Variants in CLPS observed in about 807,000 individuals in gnomAD.
CLPS encodes the protein colipase.
Under a neutral mutation model 9.3 loss-of-function variants are expected in CLPS, and 8 were observed. That is an observed-to-expected ratio of 0.86 (90% confidence interval 0.51 to 1.56). The LOEUF (loss-of-function observed/expected upper bound fraction) is 1.56, where lower values mean the gene tolerates loss of function less well. Among genes scored for constraint, CLPS ranks in the 40% most tolerant of loss-of-function variants. CLPS has a pLI of 0.00. For missense variants in CLPS, 144 were observed against 145.7 expected (o/e 0.99, Z 0.06); for synonymous variants, 61 against 56.2 (o/e 1.09, Z -0.39).
chr6:35,795,943 T>C (rs1475257096), intron 1 of CLPS, 90 bp from the exon 2 acceptor site: 16 of 1,563,934 alleles, frequency 1.0e-5, no homozygotes, highest in Non-Finnish European at 1.3e-5. Context: ...CCACTAACAG[T>C]GTCTCCCCTG....
At position 35,795,236 on chromosome 6, in the gene CLPS, G is replaced by GGA; in HGVS notation, c.248_249insTC (p.Leu84ProfsTer2). ...TGGTCTTGTCTCCCTCACAGGTCAG[G>GGA]CCACGCTCACAGGGACACTTGTAGT... On this transcript the variant is annotated frameshift_variant, in exon 3 of 3. Coordinates refer to ENST00000259938, the MANE Select transcript of CLPS (RefSeq NM_001832.4). LOFTEE classifies it high-confidence loss of function. The GGA allele has an allele frequency of 6.2e-7, 1 of 1,614,220 alleles. No individual in the cohort carries two copies.
At chr6:35,795,406 C>T in intron 2 of CLPS, 129 bp from the exon 3 acceptor site, 2 of 1,388,426 alleles carry the variant, frequency 1.4e-6, no homozygotes, top group Non-Finnish European at 1.9e-6. Context: ...ACCTGCCTCC[C>T]CAGGGGTGCC....
At chr6:35,796,357 G>A (rs1768368611) in intron 1 of CLPS, among the ~76,000 whole-genome samples, 1 of 152,274 alleles carries the variant, frequency 6.6e-6, no homozygotes, top group African/African-American at 2.4e-5. Context: ...TCAACCGCAT[G>A]GACGTTCTGG....
rs1400880683 is a variant in CLPS, at chr6:35,795,258, T to C, written c.227A>G (p.Tyr76Cys). ...CSVKTLYGIYYKCPCERGLTC... is the reference protein window; with the variant it reads ...CSVKTLYGIYCKCPCERGLTC... Reference sequence around the variant, plus strand: ...CAGGCCACGCTCACAGGGACACTTGTAGTAAATCCCATAGAGCGTCTGCAG... The same window carrying C: ...CAGGCCACGCTCACAGGGACACTTGCAGTAAATCCCATAGAGCGTCTGCAG... The change falls in exon 3 of 3, where the codon TAC becomes TGC. Residue 76 changes from tyrosine (Y) to cysteine (C), a missense_variant. Coordinates refer to ENST00000259938, the MANE Select transcript of CLPS (RefSeq NM_001832.4). 1.2e-6 allele frequency: 2 copies of C among 1,614,160 alleles called. No individual in the cohort carries two copies. The highest frequency in any genetic ancestry group is 8.5e-7 in the Non-Finnish European group (1 of 1,179,986).
chr6:35,796,439 T>C (rs1473032446), intron 1 of CLPS, among the ~76,000 whole-genome samples: 1 of 152,264 alleles, frequency 6.6e-6, no homozygotes, highest in African/African-American at 2.4e-5. Context: ...GCTGAACCAC[T>C]TTCCAGCTAT....
At chr6:35,796,280 A>G (rs958629202) in intron 1 of CLPS, among the ~76,000 whole-genome samples, 1 of 152,272 alleles carries the variant, frequency 6.6e-6, no homozygotes, top group East Asian at 1.9e-4. Flanking sequence ...GATCTGATCT[A>G]TAATCTCCAA....
At chr6:35,796,227 G>A (rs1768365392) in intron 1 of CLPS, among the ~76,000 whole-genome samples, 1 of 152,282 alleles carries the variant, frequency 6.6e-6, no homozygotes, top group African/African-American at 2.4e-5. Context: ...TAAGGAGGCG[G>A]TGAAGATTGC....
At position 35,795,941 on chromosome 6, in the gene CLPS, A is replaced by C. The variant is rs561619500; in HGVS notation, c.85-88T>G. The stretch of plus-strand genomic sequence containing the variant: ...GTACCCACCACACACTACCACTAAC[A>C]GTGTCTCCCCTGGTAGGGATGTGTG... On this transcript the variant is annotated intron_variant, in intron 1 of 2. Coordinates refer to ENST00000259938, the MANE Select transcript of CLPS (RefSeq NM_001832.4). The C allele has an allele frequency of 2.5e-4, 392 of 1,566,726 alleles. No homozygotes were observed. The African/African-American group carries it at 4.9e-3, about 20-fold the overall frequency.
intron 2 of CLPS, 53 bp from the exon 3 acceptor site, chr6:35,795,330 C>G (rs1768330372): frequency 6.3e-7 from 1 of 1,589,522 alleles, no homozygotes; most frequent in Non-Finnish European, 8.6e-7. Context: ...CTTTGGACAT[C>G]ACTTGTCCCC....
intron 2 of CLPS, 50 bp downstream of exon 2, chr6:35,795,681 G>A: frequency 6.2e-7 from 1 of 1,602,102 alleles, no homozygotes; most frequent in Non-Finnish European, 8.5e-7. Context: ...AAGTGTTCAG[G>A]GCCCTACTCC....
rs911877152 is a variant in CLPS at position 35,796,417 on chromosome 6, G to C, written c.85-564C>G. On this transcript the variant is annotated intron_variant, in intron 1 of 2. Transcript: ENST00000259938. ...TGGTGGAGAGGTGGTGTGGGGCAGT[G>C]GTGGGGCCCCAGCTGAACCACTTTC... 4.3e-4 allele frequency among the ~76,000 whole-genome samples: 65 copies of C among 152,408 alleles called. 1 individual carries two copies. Among genetic ancestry groups the C allele is most frequent in the Middle Eastern group, 3.4e-3 (1 of 294 alleles).
Position 35,795,820 on chromosome 6 carries a change from A to G in CLPS, c.118T>C (p.Cys40Arg). ...GAATGCTGGCAGCAATTGCTCTTAC[A>G]CTGGGCACTATTCATGCAGAGCTCA... is the stretch of plus-strand genomic sequence containing the variant. ...NGELCMNSAQ[C>R]KSNCCQHSSA... The change falls in exon 2 of 3, where the codon TGT (cysteine) becomes CGT (arginine). Residue 40 changes from cysteine to arginine, a missense_variant. Physicochemically the swap from Cys to Arg is radical, Grantham distance 180. Coordinates refer to ENST00000259938, the MANE Select transcript of CLPS (RefSeq NM_001832.4). 6.2e-7 allele frequency: 1 copy of G among 1,613,204 alleles called. No homozygotes were observed.
rs553450622 is a variant in CLPS, at chr6:35,795,289, C to T, written c.208-12G>A. On this transcript the variant is annotated splice_polypyrimidine_tract_variant and intron_variant, in intron 2 of 2. Coordinates refer to ENST00000259938, the MANE Select transcript of CLPS (RefSeq NM_001832.4). The stretch of plus-strand genomic sequence containing the variant: ...ATCCCATAGAGCGTCTGCAGAGACA[C>T]AGCCAATGGAGTCAAGGCTATGGGG... 103 of 1,613,180 alleles carry T rather than the reference C, an allele frequency of 6.4e-5. 1 individual carries two copies. The highest frequency in any genetic ancestry group is 3.4e-6 in the Non-Finnish European group (4 of 1,179,530).
intron 1 of CLPS, 121 bp downstream of exon 1, chr6:35,797,084 T>C: frequency 2.2e-6 from 2 of 889,812 alleles, no homozygotes; most frequent in Non-Finnish European, 3.5e-6. Flanking sequence ...AACAGAGGGA[T>C]GCAAGATGCC....
At chr6:35,795,914 C>G (rs1768355408) in intron 1 of CLPS, 61 bp from the exon 2 acceptor site, 1 of 1,598,986 alleles carries the variant, frequency 6.3e-7, no homozygotes. Flanking sequence ...CCATTCAGAC[C>G]TGTACCCACC....
In CLPS at chr6:35,795,711, C is replaced by T; in HGVS notation, c.207+20G>A. ...TACTCCCCATTCTCCCCCACCCACG[C>T]CAAGTCCTCAGGCACCCACCTTGAC... On this transcript the variant is annotated intron_variant, in intron 2 of 2. Transcript: ENST00000259938. 6.2e-7 allele frequency: 1 copy of T among 1,609,750 alleles called. No homozygotes were observed. Among genetic ancestry groups the T allele is most frequent in the Non-Finnish European group, 8.5e-7 (1 of 1,179,382 alleles).
chr6:35,795,404 C>T, intron 2 of CLPS, 127 bp from the exon 3 acceptor site: 1 of 1,398,612 alleles, frequency 7.1e-7, no homozygotes, highest in Non-Finnish European at 9.7e-7. Context: ...CCACCTGCCT[C>T]CCCAGGGGTG....
At chr6:35,796,871 T>C (rs1379504190) in intron 1 of CLPS, 1 of 465,498 alleles carries the variant, frequency 2.1e-6, no homozygotes, top group Non-Finnish European at 4.1e-6. Context: ...GAAGCAGAGA[T>C]TGCAGTGAGC....
rs770146707 is a variant in CLPS, at chr6:35,795,837, C to T, written c.101G>A (p.Cys34Tyr). ...IIINLENGELCMNSAQCKSNC... is the reference protein window; with the variant it reads ...IIINLENGELYMNSAQCKSNC... ...GCTCTTACACTGGGCACTATTCATGCAGAGCTCACCGTTCTCCTGCCAGGA... is the reference window on the plus strand; with the variant it reads ...GCTCTTACACTGGGCACTATTCATGTAGAGCTCACCGTTCTCCTGCCAGGA... Residue 34 changes from cysteine to tyrosine, a missense_variant, in exon 2 of 3, where the codon TGC becomes TAC. Physicochemically the swap from Cys to Tyr is radical, Grantham distance 194. Transcript: ENST00000259938. 1.2e-6 allele frequency: 2 copies of T among 1,612,882 alleles called. No homozygotes were observed. Among genetic ancestry groups the T allele is most frequent in the Non-Finnish European group, 1.7e-6 (2 of 1,180,022 alleles).
Sources: allele counts gnomAD v4.1 joint callset (sites outside exome capture counted in the v4.1 genomes callset), GRCh38; gene constraint gnomAD v4.1.1; transcripts MANE v1.5; gene names NCBI Gene and HGNC (gene_info 2026-07-23, HGNC 2026-07-21).